The following ARHGAP22 variants were observed in gnomAD, a reference collection of about 807,000 sequenced individuals.
The protein encoded by ARHGAP22 is Rho GTPase activating protein 22.
Under a neutral mutation model 59.1 loss-of-function variants are expected in ARHGAP22, and 48 were observed. The ratio of observed to expected loss-of-function variants is 0.81; its 90% CI spans 0.64 to 1.03. The LOEUF (loss-of-function observed/expected upper bound fraction) is 1.03, where lower values mean the gene tolerates loss of function less well. ARHGAP22 is among the 50% of genes least tolerant of loss of function. The pLI is 0.00. For missense variants in ARHGAP22, 1,015 were observed against 958.7 expected (o/e 1.06, Z -0.78); for synonymous variants, 445 against 416.4 (o/e 1.07, Z -0.84).
At chr10:48,619,003 T>G (rs2061189559) in intron 1 of ARHGAP22, among the ~76,000 whole-genome samples, 1 of 152,100 alleles carries the variant, frequency 6.6e-6, no homozygotes, top group Non-Finnish European at 1.5e-5. Flanking sequence ...TCAGTAAATT[T>G]GTAAGATACA....
At chr10:48,464,707 G>A (rs1457720880) in intron 4 of ARHGAP22, among the ~76,000 whole-genome samples, 2 of 152,210 alleles carry the variant, frequency 1.3e-5, no homozygotes, top group Non-Finnish European at 2.9e-5. Flanking sequence ...TCTGGTGGAC[G>A]TCCTGGCTAA....
chr10:48,524,842 C>G lies in ARHGAP22; in HGVS notation c.322+30621G>C, dbSNP rs563385831. On this transcript the variant is annotated intron_variant, in intron 3 of 9. Transcript: ENST00000249601. ...GAGGAAAATGATACCGGTTCAGATG[C>G]TACTTAGCACAAATTAAGAATTAAG... 2.0e-5 allele frequency among the ~76,000 whole-genome samples: 3 copies of G among 152,300 alleles called. No homozygotes were observed. In the South Asian group the frequency reaches 6.2e-4, roughly 32 times the overall value.
intron 2 of ARHGAP22, among the ~76,000 whole-genome samples, chr10:48,581,764 A>G (rs1476390756): frequency 2.6e-5 from 4 of 152,248 alleles, no homozygotes; most frequent in Non-Finnish European, 5.9e-5. Flanking sequence ...TTTAACGTCA[A>G]TATACGGTAT....
At chr10:48,584,615 G>A (rs1353064403) in intron 1 of ARHGAP22, among the ~76,000 whole-genome samples, 1 of 152,226 alleles carries the variant, frequency 6.6e-6, no homozygotes, top group Non-Finnish European at 1.5e-5. Context: ...AGGAACAGAC[G>A]TAAGTCATGG....
At chr10:48,463,403 C>T (rs2047344510) in intron 4 of ARHGAP22, among the ~76,000 whole-genome samples, 1 of 152,238 alleles carries the variant, frequency 6.6e-6, no homozygotes, top group Non-Finnish European at 1.5e-5. Context: ...GCTAGGACCT[C>T]AAATGAGCAG....
chr10:48,641,989 T>C (rs1348715415), intron 1 of ARHGAP22, among the ~76,000 whole-genome samples: 1 of 152,156 alleles, frequency 6.6e-6, no homozygotes, highest in African/African-American at 2.4e-5. Flanking sequence ...CATTCACAAT[T>C]CCTTCAAAGA....
At chr10:48,528,905 C>G (rs1005758349) in intron 3 of ARHGAP22, among the ~76,000 whole-genome samples, 2 of 152,134 alleles carry the variant, frequency 1.3e-5, no homozygotes, top group Admixed American at 6.5e-5. Flanking sequence ...TGAGGCCTCC[C>G]CAGAAGCCAA....
At chr10:48,566,419 C>A (rs1183797460) in intron 2 of ARHGAP22, among the ~76,000 whole-genome samples, 1 of 152,176 alleles carries the variant, frequency 6.6e-6, no homozygotes, top group African/African-American at 2.4e-5. Context: ...AAGCCTGTAA[C>A]CATGCCCCAT....
At chr10:48,616,930 G>A (rs1038060496) in intron 1 of ARHGAP22, among the ~76,000 whole-genome samples, 3 of 151,970 alleles carry the variant, frequency 2.0e-5, no homozygotes, top group African/African-American at 4.8e-5. Context: ...AGGCAAATAC[G>A]TAATTATTAA....
chr10:48,643,649 T>C (rs2062157131), intron 1 of ARHGAP22, among the ~76,000 whole-genome samples: 1 of 151,596 alleles, frequency 6.6e-6, no homozygotes, highest in South Asian at 2.1e-4. Flanking sequence ...ATATACCTAA[T>C]GTAAATGACG....
At chr10:48,600,824 C>CAGCTACA (rs2060337569) in intron 1 of ARHGAP22, among the ~76,000 whole-genome samples, 1 of 152,158 alleles carries the variant, frequency 6.6e-6, no homozygotes, top group Non-Finnish European at 1.5e-5. Context: ...GGAAGGTTAT[C>CAGCTACA]AGCTACAAAC....
In ARHGAP22 at chr10:48,459,709, A is replaced by G; in HGVS notation, c.634T>C (p.Cys212Arg). The part of the protein sequence containing the change: ...LVRDLQDSFD[C>R]GEKPLFDSTT... ...CTGTCAAACAGTGGCTTCTCCCCAC[A>G]GTCGAAGGAATCCTGCAGGTCCCTC... Residue 212 changes from cysteine (C) to arginine (R), a missense_variant, in exon 5 of 10, where the codon TGT (cysteine) becomes CGT (arginine). Coordinates refer to ENST00000249601, the MANE Select transcript of ARHGAP22 (RefSeq NM_021226.4). 6.2e-7 allele frequency: 1 copy of G among 1,614,156 alleles called. No individual in the cohort carries two copies. The highest frequency in any genetic ancestry group is 8.5e-7 in the Non-Finnish European group (1 of 1,180,032).
At position 48,591,382 on chromosome 10, in the gene ARHGAP22, G is replaced by A. The variant is rs558294985; in HGVS notation, c.35-8230C>T. On this transcript the variant is annotated intron_variant, in intron 1 of 9. Coordinates refer to ENST00000249601, the MANE Select transcript of ARHGAP22 (RefSeq NM_021226.4). Reference sequence around the variant, plus strand: ...GCCAGCAGAGGAGGAACCATTTCACGCCATTTTCTCATCCAGGAGGGATCC... The same window carrying A: ...GCCAGCAGAGGAGGAACCATTTCACACCATTTTCTCATCCAGGAGGGATCC... 4.3e-4 allele frequency among the ~76,000 whole-genome samples: 65 copies of A among 152,300 alleles called. No individual in the cohort carries two copies. In the East Asian group the frequency reaches 5.8e-3, roughly 14 times the overall value.
At chr10:48,636,627 A>G (rs2061829891) in intron 1 of ARHGAP22, among the ~76,000 whole-genome samples, 1 of 152,134 alleles carries the variant, frequency 6.6e-6, no homozygotes, top group African/African-American at 2.4e-5. Context: ...ATATATCTTT[A>G]CACGTGTTAT....
intron 3 of ARHGAP22, among the ~76,000 whole-genome samples, chr10:48,539,007 G>A (rs2055639346): frequency 6.6e-6 from 1 of 152,158 alleles, no homozygotes; most frequent in South Asian, 2.1e-4. Context: ...AAGAAGAAAT[G>A]GAATTACTTG....
intron 1 of ARHGAP22, among the ~76,000 whole-genome samples, chr10:48,594,696 G>A (rs1257928261): frequency 1.3e-5 from 2 of 152,162 alleles, no homozygotes; most frequent in Non-Finnish European, 2.9e-5. Flanking sequence ...GACTGGGAGT[G>A]CCTAGGAGTT....
intron 1 of ARHGAP22, among the ~76,000 whole-genome samples, chr10:48,599,047 T>A (rs578248463): frequency 1.3e-5 from 2 of 152,318 alleles, no homozygotes; most frequent in South Asian, 4.1e-4. Flanking sequence ...GGTCTTTTTC[T>A]CAATGGGAAT....
intron 3 of ARHGAP22, among the ~76,000 whole-genome samples, chr10:48,485,992 T>C (rs569330772): frequency 6.6e-6 from 1 of 152,328 alleles, no homozygotes; most frequent in South Asian, 2.1e-4. Flanking sequence ...GTCTGGCTTC[T>C]GTTTTCTATC....
chr10:48,571,513 T>C (rs1244661297), intron 2 of ARHGAP22, among the ~76,000 whole-genome samples: 2 of 152,186 alleles, frequency 1.3e-5, no homozygotes, highest in African/African-American at 4.8e-5. Context: ...TGGTGGGGCT[T>C]CCCCTCCCTT....
Sources: gnomAD v4.1 joint callset for allele counts (sites outside exome capture counted in the v4.1 genomes callset) on GRCh38, gnomAD v4.1.1 for gene constraint, MANE v1.5 for transcripts, NCBI Gene and HGNC (gene_info 2026-07-23, HGNC 2026-07-21) for gene names.